The following PPP4R1 variants were observed in gnomAD, a reference collection of about 807,000 sequenced individuals.
The protein encoded by PPP4R1 is serine/threonine-protein phosphatase 4 regulatory subunit 1.
In PPP4R1, 42 loss-of-function variants were observed where a neutral mutation model predicts 111.2. The ratio of observed to expected loss-of-function variants is 0.38; its 90% CI spans 0.29 to 0.49. The LOEUF (loss-of-function observed/expected upper bound fraction) is 0.49. Ranked by LOEUF, PPP4R1 falls within the 20% of genes least tolerant of loss-of-function variation. PPP4R1 has a pLI of 0.97. For missense variants in PPP4R1, 1,012 were observed against 1,161.6 expected (o/e 0.87, Z 1.87); for synonymous variants, 409 against 405.5 (o/e 1.01, Z -0.10).
chr18:9,555,134 C>A (rs1415620460), intron 15 of PPP4R1, among the ~76,000 whole-genome samples: 1 of 152,020 alleles, frequency 6.6e-6, no homozygotes, highest in Non-Finnish European at 1.5e-5. Flanking sequence ...GAAACCCTAT[C>A]CCTACAAAAA....
At chr18:9,592,733 T>A (rs1446114786) in intron 4 of PPP4R1, among the ~76,000 whole-genome samples, 6 of 151,672 alleles carry the variant, frequency 4.0e-5, no homozygotes, top group African/African-American at 1.5e-4. Context: ...AATCTATCCT[T>A]AAAGAGTATC....
Position 9,553,388 on chromosome 18 carries a change from T to A in PPP4R1, c.2225A>T (p.Tyr742Phe), listed in dbSNP as rs761220942. 1.3e-6 allele frequency: 2 copies of A among 1,598,366 alleles called. No homozygotes were observed. ...LHIDKRREYL[Y>F]QLQEFLVTDN... ...TGTCACCAAAAACTCCTGAAGTTGA[T>A]AAAGATATTCTCTTCTTTTGTCAAT... is the stretch of plus-strand genomic sequence containing the variant. The change falls in exon 16 of 20, where the codon TAT (tyrosine) becomes TTT (phenylalanine). Residue 742 changes from tyrosine to phenylalanine, a missense_variant. Physicochemically the swap from Tyr to Phe is conservative, Grantham distance 22. Coordinates refer to ENST00000400556, the MANE Select transcript of PPP4R1 (RefSeq NM_001042388.3).
At chr18:9,561,466 T>C (rs1054560475) in intron 13 of PPP4R1, among the ~76,000 whole-genome samples, 2 of 151,802 alleles carry the variant, frequency 1.3e-5, no homozygotes, top group Non-Finnish European at 2.9e-5. Context: ...CAGGTCAGAT[T>C]GTTAGAAGAG....
In PPP4R1 at chr18:9,563,366, T is replaced by G; in HGVS notation, c.1746+12A>C. On this transcript the variant is annotated intron_variant, in intron 12 of 19. Coordinates refer to ENST00000400556, the MANE Select transcript of PPP4R1 (RefSeq NM_001042388.3). ...TACTCTCATTTGGTAAACACTTTAC[T>G]GAGTTTGTTACCTCAACAGCATCGC... is the stretch of plus-strand genomic sequence containing the variant. The G allele has an allele frequency of 6.3e-7, 1 of 1,599,122 alleles. No homozygotes were observed. Among genetic ancestry groups the G allele is most frequent in the Non-Finnish European group, 8.5e-7 (1 of 1,171,430 alleles).
At chr18:9,590,710 T>C (rs2067196934) in intron 4 of PPP4R1, among the ~76,000 whole-genome samples, 1 of 151,882 alleles carries the variant, frequency 6.6e-6, no homozygotes, top group Non-Finnish European at 1.5e-5. Context: ...ATGAAACTTG[T>C]CCTCCACTTT....
At chr18:9,584,896 TAAAAG>T in intron 6 of PPP4R1, 68 bp from the exon 7 acceptor site, 2 of 1,231,924 alleles carry the variant, frequency 1.6e-6, no homozygotes, top group Non-Finnish European at 2.3e-6. Flanking sequence ...AATTAAATAA[TAAAAG>T]TATATAATTT....
chr18:9,563,837 G>A (rs1255558142), intron 11 of PPP4R1: 5 of 228,044 alleles, frequency 2.2e-5, no homozygotes, highest in Non-Finnish European at 4.2e-5. Context: ...GCTGCCTCCG[G>A]CTTATTAAAA....
chr18:9,596,065 C>T (rs2067285313), intron 2 of PPP4R1, among the ~76,000 whole-genome samples: 1 of 152,098 alleles, frequency 6.6e-6, no homozygotes, highest in Non-Finnish European at 1.5e-5. Context: ...ATATACTTTC[C>T]AGAACTGTGG....
intron 2 of PPP4R1, among the ~76,000 whole-genome samples, chr18:9,601,420 G>C (rs148811682): frequency 6.6e-6 from 1 of 151,950 alleles, no homozygotes; most frequent in Non-Finnish European, 1.5e-5. Context: ...CAGCTACTTG[G>C]GAGGCTGAAT....
At chr18:9,604,078 A>G (rs2067438420) in intron 2 of PPP4R1, among the ~76,000 whole-genome samples, 1 of 152,200 alleles carries the variant, frequency 6.6e-6, no homozygotes, top group South Asian at 2.1e-4. Context: ...TCTATGTTTA[A>G]AACACTGATA....
chr18:9,549,296 C>A lies in PPP4R1; in HGVS notation c.2590G>T (p.Val864Leu). The A allele has an allele frequency of 6.2e-7, 1 of 1,613,196 alleles. No individual in the cohort carries two copies. The highest frequency in any genetic ancestry group is 8.5e-7 in the Non-Finnish European group (1 of 1,179,174). ...GTTAGCAGATGCGGCATGAGATGCA[C>A]AGCAAACTGGTCCATGGGAAGGCAG... ...DDCLPMDQFA[V>L]HLMPHLLTLA... is the part of the protein sequence containing the mutation. Residue 864 changes from valine (V) to leucine (L), a missense_variant, in exon 19 of 20, where the codon GTG becomes TTG. By Grantham distance (32) the Val-to-Leu change is conservative. Around this residue, in one of 2 missense-constraint regions of PPP4R1, gnomAD observed 305 missense variants for 419.5 expected, o/e 0.73. Transcript: ENST00000400556.
chr18:9,566,616 A>C (rs1017366494), intron 11 of PPP4R1, among the ~76,000 whole-genome samples: 2 of 150,608 alleles, frequency 1.3e-5, no homozygotes, highest in African/African-American at 4.9e-5. Flanking sequence ...GCACCACTGC[A>C]CTCCAGCCTG....
intron 2 of PPP4R1, among the ~76,000 whole-genome samples, chr18:9,603,908 A>C (rs2067434899): frequency 6.6e-6 from 1 of 152,180 alleles, no homozygotes; most frequent in African/African-American, 2.4e-5. Context: ...GAAAAGAGAT[A>C]AAGAAAAAAA....
At chr18:9,616,585 T>G (rs1480256239), upstream of PPP4R1, among the ~76,000 whole-genome samples, 1 of 152,194 alleles carries the variant, frequency 6.6e-6, no homozygotes, top group Admixed American at 6.5e-5. Context: ...AAATCAGCTC[T>G]TTATTCTAAC....
At chr18:9,616,808 A>T (rs1191370737), upstream of PPP4R1, among the ~76,000 whole-genome samples, 1 of 152,206 alleles carries the variant, frequency 6.6e-6, no homozygotes, top group South Asian at 2.1e-4. Context: ...AGTAAGTTTT[A>T]TCTCAGTATT....
At chr18:9,550,457 G>A (rs550447668) in intron 16 of PPP4R1, 59 bp from the exon 17 acceptor site, 6 of 1,511,266 alleles carry the variant, frequency 4.0e-6, no homozygotes, top group East Asian at 2.3e-5. Context: ...AATGAAAATA[G>A]GTTACCCATT....
intron 9 of PPP4R1, among the ~76,000 whole-genome samples, chr18:9,579,661 C>T (rs1370771614): frequency 6.6e-6 from 1 of 152,086 alleles, no homozygotes; most frequent in African/African-American, 2.4e-5. Flanking sequence ...CATTGTTAGA[C>T]CCATGATGGT....
At chr18:9,559,356 A>G in intron 14 of PPP4R1, 63 bp downstream of exon 14, 1 of 1,407,642 alleles carries the variant, frequency 7.1e-7, no homozygotes, top group Admixed American at 2.4e-5. Context: ...TTTAGGTTAC[A>G]AAAAGCAAAG....
chr18:9,610,744 C>A (rs2067564548), intron 2 of PPP4R1, among the ~76,000 whole-genome samples: 1 of 152,144 alleles, frequency 6.6e-6, no homozygotes, highest in Admixed American at 6.6e-5. Context: ...CAGGCATGAG[C>A]CACTGCACCC....
Sources: gnomAD v4.1 joint callset for allele counts (sites outside exome capture counted in the v4.1 genomes callset) on GRCh38, gnomAD v4.1.1 for gene constraint, gnomAD v4.1.1 regional missense constraint, MANE v1.5 for transcripts, NCBI Gene and HGNC (gene_info 2026-07-23, HGNC 2026-07-21) for gene names.